Variants in PCYT2 observed in about 807,000 individuals in gnomAD.
The protein encoded by PCYT2 is phosphate cytidylyltransferase 2, ethanolamine.
A neutral mutation model predicts 50.0 loss-of-function variants in PCYT2; 33 were observed. That is an observed-to-expected ratio of 0.66 (90% CI 0.50 to 0.88). The LOEUF (loss-of-function observed/expected upper bound fraction) is 0.88. Ranked by LOEUF, PCYT2 falls within the 40% of genes least tolerant of loss-of-function variation. PCYT2 has a pLI of 0.00. For missense variants in PCYT2, 430 were observed against 519.7 expected, an observed-to-expected ratio of 0.83 and a Z score of 1.68; for synonymous variants, 240 against 203.7, an observed-to-expected ratio of 1.18 and a Z score of -1.52.
chr17:81,911,325 C>A lies in PCYT2; in HGVS notation c.31G>T (p.Gly11Cys). 1 of 1,127,184 alleles carries A rather than the reference C, an allele frequency of 8.9e-7. No individual in the cohort carries two copies. Among genetic ancestry groups the A allele is most frequent in the Non-Finnish European group, 1.1e-6 (1 of 907,792 alleles). The allele number at this position is 1,127,184 out of a possible 1,614,324, so 69.8% of individuals were successfully genotyped here. A position where few individuals can be genotyped will look rare whatever the true frequency, so the allele number is the denominator to read the frequency against. MIRNGRGAAG[G>C]AEQPGPGGRR... Reference sequence around the variant, plus strand: ...CCCCCCGGGCCCGGCTGCTCTGCGCCGCCTGCAGCCCCGCGCCCGTTCCGG... The same window carrying A: ...CCCCCCGGGCCCGGCTGCTCTGCGCAGCCTGCAGCCCCGCGCCCGTTCCGG... Residue 11 changes from glycine to cysteine, a missense_variant, in exon 1 of 13, where the codon GGC becomes TGC. By Grantham distance (159) the Gly-to-Cys change is radical. This residue lies in a region of PCYT2 where 63 missense variants were observed against 37.5 expected (regional missense o/e 1.68). Coordinates refer to ENST00000538936, the MANE Select transcript of PCYT2 (RefSeq NM_002861.5).
chr17:81,909,620 G>A lies in PCYT2; in HGVS notation c.90-18C>T. 2.5e-6 allele frequency: 4 copies of A among 1,604,528 alleles called. No homozygotes were observed. The highest frequency in any genetic ancestry group is 2.6e-6 in the Non-Finnish European group (3 of 1,171,560). On this transcript the variant is annotated intron_variant, in intron 1 of 12. Coordinates refer to ENST00000538936, the MANE Select transcript of PCYT2 (RefSeq NM_002861.5). Reference sequence around the variant, plus strand: ...TGTCATAGCTGTGGAGACAGAGAGAGTGGGTGGTCCCTGTGCCAAGGGTGG... The same window carrying A: ...TGTCATAGCTGTGGAGACAGAGAGAATGGGTGGTCCCTGTGCCAAGGGTGG...
Position 81,906,833 on chromosome 17 carries a change from G to T in PCYT2, c.603C>A (p.Ile201=). ...SQFLQTSQKI[I]QFASGKEPQP... ...GGGGCTCCTTCCCAGAAGCAAACTGGATGATCTTCTGAGATGTCTGCAGGA... is the reference window on the plus strand; with the variant it reads ...GGGGCTCCTTCCCAGAAGCAAACTGTATGATCTTCTGAGATGTCTGCAGGA... The change falls in exon 7 of 13, where the codon ATC becomes ATA. Residue 201 remains isoleucine (I), a synonymous_variant. Coordinates refer to ENST00000538936, the MANE Select transcript of PCYT2 (RefSeq NM_002861.5). 1 of 1,613,484 alleles carries T rather than the reference G, an allele frequency of 6.2e-7. No individual in the cohort carries two copies. Among genetic ancestry groups the T allele is most frequent in the Non-Finnish European group, 8.5e-7 (1 of 1,179,946 alleles).
At chr17:81,908,697 A>G (rs2040414816) in intron 3 of PCYT2, 63 bp from the exon 4 acceptor site, 4 of 1,479,548 alleles carry the variant, frequency 2.7e-6, no homozygotes, top group Non-Finnish European at 3.8e-6. Context: ...TTCAGAGCCC[A>G]GGACCCTCTC....
rs1297816882 is a variant in PCYT2, at chr17:81,905,870, G to A, written c.838-135C>T. The A allele has an allele frequency of 8.6e-6, 8 of 927,150 alleles. No homozygotes were observed. The South Asian group carries it at 9.4e-5, about 11-fold the overall frequency. 57.4% of individuals were successfully genotyped at this position (927,150 alleles called of 1,614,324 possible). A position where few individuals can be genotyped will look rare whatever the true frequency, so the allele number is the denominator to read the frequency against. ...AGCAGGGATGGGCTGGGCAGGCTGG[G>A]GACCCCTGGGGCTCCTCCATGAGAC... On this transcript the variant is annotated intron_variant, in intron 9 of 12. Coordinates refer to ENST00000538936, the MANE Select transcript of PCYT2 (RefSeq NM_002861.5).
rs528089019 is a variant in PCYT2 at position 81,901,579 on chromosome 17, G to A, written c.*3254C>T. On this transcript the variant is annotated 3_prime_UTR_variant, in exon 13 of 13. Coordinates refer to ENST00000538936, the MANE Select transcript of PCYT2 (RefSeq NM_002861.5). ...GGGAGCATGAAATGGTGAGGGCACA[G>A]TGAGCTTGAAGGCTGATGTCACCTG... 1 of 152,370 alleles carries A rather than the reference G, an allele frequency of 6.6e-6. No homozygotes were observed. Among genetic ancestry groups the A allele is most frequent in the Non-Finnish European group, 1.5e-5 (1 of 68,118 alleles). 9.4% of individuals were successfully genotyped at this position (152,370 alleles called of 1,614,324 possible). A position where few individuals can be genotyped will look rare whatever the true frequency, so the allele number is the denominator to read the frequency against.
At chr17:81,907,460 TG>T in intron 6 of PCYT2, 93 bp downstream of exon 6, 1 of 1,380,642 alleles carries the variant, frequency 7.2e-7, no homozygotes, top group Non-Finnish European at 1.0e-6. Context: ...GGTGAGGCTC[TG>T]GGCTGGCCTT....
intron 2 of PCYT2, 33 bp from the exon 3 acceptor site, chr17:81,909,070 C>T: frequency 6.3e-7 from 1 of 1,599,402 alleles, no homozygotes; most frequent in Non-Finnish European, 8.5e-7. Context: ...ACTGGGGACC[C>T]CAGCCCACCC....
intron 4 of PCYT2, 82 bp from the exon 5 acceptor site, chr17:81,907,939 G>A: frequency 8.4e-7 from 1 of 1,186,610 alleles, no homozygotes; most frequent in Non-Finnish European, 1.2e-6. Context: ...AGGGACACTA[G>A]CAGCCCTGCT....
In PCYT2 at chr17:81,901,625, C is replaced by G. The variant is rs1471513626; in HGVS notation, c.*3208G>C. The G allele has an allele frequency of 6.6e-6, 1 of 152,316 alleles. No individual in the cohort carries two copies. The highest frequency in any genetic ancestry group is 1.5e-5 in the Non-Finnish European group (1 of 68,142). The allele number at this position is 152,316 out of a possible 1,614,324, so 9.4% of individuals were successfully genotyped here. Reference sequence around the variant, plus strand: ...ACCTGCCAGGAGAGCGGCTGGCAGTCCTGCCTGGTGCCCCCCAAGGGGCAG... The same window carrying G: ...ACCTGCCAGGAGAGCGGCTGGCAGTGCTGCCTGGTGCCCCCCAAGGGGCAG... On this transcript the variant is annotated 3_prime_UTR_variant, in exon 13 of 13. Transcript: ENST00000538936.
chr17:81,910,387 T>C (rs978380757), intron 1 of PCYT2, among the ~76,000 whole-genome samples: 1 of 152,214 alleles, frequency 6.6e-6, no homozygotes, highest in Admixed American at 6.5e-5. Flanking sequence ...ACAGAGTTGC[T>C]CCACTGCACA....
At position 81,902,859 on chromosome 17, in the gene PCYT2, A is replaced by T; in HGVS notation, c.*1974T>A. 4.3e-6 allele frequency: 4 copies of T among 931,596 alleles called. No individual in the cohort carries two copies. Among genetic ancestry groups the T allele is most frequent in the Non-Finnish European group, 6.2e-6 (4 of 650,370 alleles). The allele number at this position is 931,596 out of a possible 1,614,324, so 57.7% of individuals were successfully genotyped here. On this transcript the variant is annotated 3_prime_UTR_variant, in exon 13 of 13. Transcript: ENST00000538936. ...GCCCCAGGTCTCCCCTACTCCGCTC[A>T]CCCCGCAGTTAATGGCAAACGAATA...
rs1231870414 is a variant in PCYT2 at position 81,907,802 on chromosome 17, G to A, written c.463C>T (p.Leu155=). The A allele has an allele frequency of 1.1e-5, 18 of 1,613,322 alleles. No homozygotes were observed. Among genetic ancestry groups the A allele is most frequent in the Non-Finnish European group, 1.4e-5 (17 of 1,179,986 alleles). The change falls in exon 5 of 13, where the codon CTG becomes TTG. Residue 155 remains leucine, a synonymous_variant. Coordinates refer to ENST00000538936, the MANE Select transcript of PCYT2 (RefSeq NM_002861.5). ...CTGCTGTGATGGGCTTTGGTTACCA[G>A]CAGCATGCGGCCCACGAGGTCTGTG... The part of the protein sequence containing the change: ...STTDLVGRML[L]VTKAHHSSQE...
At position 81,908,991 on chromosome 17, in the gene PCYT2, C is replaced by G; in HGVS notation, c.225G>C (p.Glu75Asp). 1 of 1,614,050 alleles carries G rather than the reference C, an allele frequency of 6.2e-7. No homozygotes were observed. Among genetic ancestry groups the G allele is most frequent in the Non-Finnish European group, 8.5e-7 (1 of 1,180,002 alleles). ...HKGPPVFTQE[E>D]RYKMVQAIKW... ...TGATGGCCTGCACCATCTTGTATCTCTCCTCCTGAGTGAACACCGGGGGCC... is the reference window on the plus strand; with the variant it reads ...TGATGGCCTGCACCATCTTGTATCTGTCCTCCTGAGTGAACACCGGGGGCC... The change falls in exon 3 of 13, where the codon GAG (glutamate) becomes GAC (aspartate). Residue 75 changes from glutamate (E) to aspartate (D), a missense_variant. By Grantham distance (45) the Glu-to-Asp change is conservative. Around this residue, in one of 4 missense-constraint regions of PCYT2, gnomAD observed 117 missense variants for 163.9 expected, o/e 0.71. Transcript: ENST00000538936.
At chr17:81,908,016 C>T (rs961409842) in intron 4 of PCYT2, among the ~76,000 whole-genome samples, 159 bp from the exon 5 acceptor site, 2 of 152,202 alleles carry the variant, frequency 1.3e-5, no homozygotes, top group African/African-American at 4.8e-5. Flanking sequence ...TAACAGAAAA[C>T]CTGGGTTGGG....
chr17:81,905,995 G>T, intron 9 of PCYT2, 105 bp downstream of exon 9: 1 of 1,021,436 alleles, frequency 9.8e-7, no homozygotes, highest in Non-Finnish European at 1.4e-6. Context: ...GTGCAGCTCT[G>T]CCAGTGACCC....
rs1181138840 is a variant in PCYT2, at chr17:81,904,410, G to A, written c.*423C>T. 4 of 166,736 alleles carry A rather than the reference G, an allele frequency of 2.4e-5. No individual in the cohort carries two copies. The highest frequency in any genetic ancestry group is 5.1e-5 in the Non-Finnish European group (4 of 77,672). 10.3% of individuals were successfully genotyped at this position (166,736 alleles called of 1,614,324 possible). ...GTTGGGGGGTGCCCAGTGGGAGGTG[G>A]TGTGGTCTACACCCAGAGAACTAAA... On this transcript the variant is annotated 3_prime_UTR_variant, in exon 13 of 13. Coordinates refer to ENST00000538936, the MANE Select transcript of PCYT2 (RefSeq NM_002861.5).
chr17:81,904,826 T>C lies in PCYT2; in HGVS notation c.*7A>G, dbSNP rs1274477799. 2 of 1,589,894 alleles carry C rather than the reference T, an allele frequency of 1.3e-6. No individual in the cohort carries two copies. The highest frequency in any genetic ancestry group is 1.3e-5 in the African/African-American group (1 of 74,418). ...CAGGGGGAGGGCCGGCCAGGGCCTC[T>C]GCCAGGTTAGAAGTCACCATCGCGC... On this transcript the variant is annotated 3_prime_UTR_variant, in exon 13 of 13. Coordinates refer to ENST00000538936, the MANE Select transcript of PCYT2 (RefSeq NM_002861.5).
chr17:81,902,042 G>A lies in PCYT2; in HGVS notation c.*2791C>T, dbSNP rs1598308926. The A allele has an allele frequency of 3.5e-6, 1 of 282,586 alleles. No individual in the cohort carries two copies. The highest frequency in any genetic ancestry group is 6.4e-6 in the Non-Finnish European group (1 of 155,524). 17.5% of individuals were successfully genotyped at this position (282,586 alleles called of 1,614,324 possible). On this transcript the variant is annotated 3_prime_UTR_variant, in exon 13 of 13. Coordinates refer to ENST00000538936, the MANE Select transcript of PCYT2 (RefSeq NM_002861.5). ...TGGGTGGGGAGCTTGAGGGGGCGTT[G>A]GGCTCCCACCAAGCGCCAGATCCTT...
chr17:81,902,511 C>A lies in PCYT2; in HGVS notation c.*2322G>T. ...CCTCCCCGGAGCTGCAACTGCACCCCAGGCTGCGGAGCCTCGTGAGTCCGG... is the reference window on the plus strand; with the variant it reads ...CCTCCCCGGAGCTGCAACTGCACCCAAGGCTGCGGAGCCTCGTGAGTCCGG... On this transcript the variant is annotated 3_prime_UTR_variant, in exon 13 of 13. Transcript: ENST00000538936. The A allele has an allele frequency of 6.9e-7, 1 of 1,441,964 alleles. No individual in the cohort carries two copies. Among genetic ancestry groups the A allele is most frequent in the Non-Finnish European group, 9.1e-7 (1 of 1,104,348 alleles). 89.3% of individuals were successfully genotyped at this position (1,441,964 alleles called of 1,614,324 possible).
Sources: allele counts gnomAD v4.1 joint callset (sites outside exome capture counted in the v4.1 genomes callset), GRCh38; gene constraint gnomAD v4.1.1; regional missense constraint gnomAD v4.1.1; transcripts MANE v1.5; gene names NCBI Gene and HGNC (gene_info 2026-07-23, HGNC 2026-07-21).